The following KHDRBS1 variants were observed in gnomAD, a reference collection of about 807,000 sequenced individuals.
KHDRBS1 encodes KH RNA binding domain containing, signal transduction associated 1, also known as KH domain-containing, RNA-binding, signal transduction-associated protein 1.
A neutral mutation model predicts 48.4 loss-of-function variants in KHDRBS1; 7 were observed. The ratio of observed to expected loss-of-function variants is 0.14; its 90% confidence interval spans 0.08 to 0.27. The LOEUF is 0.27. KHDRBS1 is among the 10% of genes least tolerant of loss of function. The probability of loss-of-function intolerance (pLI) is 1.00; values close to 1 mark genes in which losing one functional copy is unlikely to be tolerated. For synonymous variants in KHDRBS1, 241 were observed against 235.8 expected, an observed-to-expected ratio of 1.02 and a Z score of -0.20; for missense variants, 458 against 601.2, an observed-to-expected ratio of 0.76 and a Z score of 2.49.
chr1:32,059,178 A>C (rs1035034709), intron 10 of KHDRBS1, among the ~76,000 whole-genome samples: 9 of 151,322 alleles, frequency 5.9e-5, no homozygotes, highest in Non-Finnish European at 1.0e-4. Context: ...AAAAAAAAAA[A>C]AAAAAACAAA....
intron 1 of KHDRBS1, among the ~76,000 whole-genome samples, chr1:32,028,106 G>C (rs1446647833): frequency 6.6e-6 from 1 of 152,212 alleles, no homozygotes; most frequent in African/African-American, 2.4e-5. Context: ...GACAGAGCGA[G>C]ACTTTGTCTC....
rs1346993019 is a variant in KHDRBS1, at chr1:32,038,631, A to G, written c.1175+12A>G. 4.3e-6 allele frequency: 7 copies of G among 1,613,530 alleles called. No individual in the cohort carries two copies. In the South Asian group the frequency reaches 6.6e-5, roughly 15 times the overall value. On this transcript the variant is annotated intron_variant, in intron 7 of 8. Coordinates refer to ENST00000327300, the MANE Select transcript of KHDRBS1 (RefSeq NM_006559.3). ...AGCCAGAGTCAAGGGTGAGTCAGGCAGTATAAGCACTGTTTTTTGTCCTGA... is the reference window on the plus strand; with the variant it reads ...AGCCAGAGTCAAGGGTGAGTCAGGCGGTATAAGCACTGTTTTTTGTCCTGA...
chr1:32,032,644 C>T (rs920355303), intron 3 of KHDRBS1, among the ~76,000 whole-genome samples: 2 of 152,058 alleles, frequency 1.3e-5, no homozygotes, highest in African/African-American at 4.8e-5. Flanking sequence ...CTGTAAGCAG[C>T]AGACCATGTG....
chr1:32,026,875 G>A (rs1016075268), intron 1 of KHDRBS1, among the ~76,000 whole-genome samples: 4 of 152,122 alleles, frequency 2.6e-5, no homozygotes, highest in Admixed American at 2.0e-4. Context: ...GCTCACTGCA[G>A]CCTCTGCCTC....
intron 4 of KHDRBS1, among the ~76,000 whole-genome samples, chr1:32,035,283 G>A (rs1639155092): frequency 6.6e-6 from 1 of 152,112 alleles, no homozygotes; most frequent in Non-Finnish European, 1.5e-5. Flanking sequence ...GTGGCAGTTG[G>A]AGGAGTCTGA....
chr1:32,044,003 G>A (rs1470361800), downstream of KHDRBS1: 3 of 152,262 alleles, frequency 2.0e-5, no homozygotes, highest in Non-Finnish European at 4.4e-5. Flanking sequence ...AAAGTGGTGG[G>A]GGGGATTTTA....
intron 10 of KHDRBS1, among the ~76,000 whole-genome samples, chr1:32,051,313 ATGTAT>A (rs1183710034): frequency 6.6e-6 from 1 of 152,204 alleles, no homozygotes; most frequent in Non-Finnish European, 1.5e-5. Flanking sequence ...TTAACCACAG[ATGTAT>A]GTAGGTGTAC....
intron 1 of KHDRBS1, among the ~76,000 whole-genome samples, chr1:32,018,845 C>T (rs1286434833): frequency 2.6e-5 from 4 of 152,038 alleles, no homozygotes; most frequent in Admixed American, 1.3e-4. Context: ...CCAAGGCAGT[C>T]GGATCACTTG....
chr1:32,019,475 G>A (rs577087757), intron 1 of KHDRBS1, among the ~76,000 whole-genome samples: 19 of 152,014 alleles, frequency 1.2e-4, no homozygotes, highest in African/African-American at 3.6e-4. Flanking sequence ...GCTGAAACCC[G>A]GGAGACAGAG....
downstream of KHDRBS1, among the ~76,000 whole-genome samples, chr1:32,045,967 G>T (rs143202408): frequency 2.0e-5 from 3 of 152,250 alleles, no homozygotes; most frequent in African/African-American, 7.2e-5. Context: ...AAAGGCAGTT[G>T]GTGAGTTGTT....
intron 1 of KHDRBS1, among the ~76,000 whole-genome samples, chr1:32,023,018 C>T (rs959720908): frequency 6.6e-6 from 1 of 152,072 alleles, no homozygotes; most frequent in African/African-American, 2.4e-5. Context: ...TGAGTTACAT[C>T]TCTTTTTCGC....
downstream of KHDRBS1, among the ~76,000 whole-genome samples, chr1:32,044,620 AACAC>A (rs1639337356): frequency 6.6e-6 from 1 of 152,182 alleles, no homozygotes; most frequent in Non-Finnish European, 1.5e-5. Flanking sequence ...TTCTTTTTAA[AACAC>A]ACCAACAAAA....
chr1:32,018,002 GGA>G (rs1298912035), intron 1 of KHDRBS1, among the ~76,000 whole-genome samples: 4 of 152,146 alleles, frequency 2.6e-5, no homozygotes, highest in African/African-American at 9.7e-5. Context: ...AAAAGATCTT[GGA>G]GAGATACTCA....
In KHDRBS1 at chr1:32,037,928, G is replaced by A. The variant is rs1318689074; in HGVS notation, c.999G>A (p.Val333=). 1 of 1,614,114 alleles carries A rather than the reference G, an allele frequency of 6.2e-7. No homozygotes were observed. The highest frequency in any genetic ancestry group is 2.2e-5 in the East Asian group (1 of 44,902). The change falls in exon 6 of 9, where the codon GTG becomes GTA. Residue 333 remains valine, a synonymous_variant. Transcript: ENST00000327300. ...GAGGTGCCACTGTGACTCGAGGCGT[G>A]CCACCCCCACCTACTGTGAGGGGTG... ...ITRGATVTRG[V]PPPPTVRGAP...
At chr1:32,058,323 A>C (rs1639505404) in intron 10 of KHDRBS1, among the ~76,000 whole-genome samples, 1 of 151,994 alleles carries the variant, frequency 6.6e-6, no homozygotes, top group African/African-American at 2.4e-5. Context: ...GGCCTCAAGC[A>C]ATCTGGCCTC....
intron 6 of KHDRBS1, 41 bp downstream of exon 6, chr1:32,038,077 A>G: frequency 6.2e-7 from 1 of 1,606,078 alleles, no homozygotes; most frequent in African/African-American, 1.3e-5. Context: ...AGTACCTAGA[A>G]GGCTGCTAAA....
chr1:32,045,135 A>G (rs539916016), downstream of KHDRBS1, among the ~76,000 whole-genome samples: 1 of 152,310 alleles, frequency 6.6e-6, no homozygotes, highest in Non-Finnish European at 1.5e-5. Context: ...CTGCTCAGCT[A>G]TTTAAAACTG....
chr1:32,042,705 ACC>A lies in KHDRBS1; in HGVS notation c.*83_*84del. 1 of 844,878 alleles carries A rather than the reference ACC, an allele frequency of 1.2e-6. No individual in the cohort carries two copies. The highest frequency in any genetic ancestry group is 2.0e-6 in the Non-Finnish European group (1 of 508,398). 52.3% of individuals were successfully genotyped at this position (844,878 alleles called of 1,614,324 possible). A position where few individuals can be genotyped will look rare whatever the true frequency, so the allele number is the denominator to read the frequency against. ...TATCTCCCAGGATTCCTGTTGCTTT[ACC>A]CACAACAGACAAGTAATTGTCTAAG... On this transcript the variant is annotated 3_prime_UTR_variant, in exon 9 of 9. Coordinates refer to ENST00000327300, the MANE Select transcript of KHDRBS1 (RefSeq NM_006559.3).
chr1:32,036,232 C>T (rs912298233), intron 4 of KHDRBS1, among the ~76,000 whole-genome samples: 3 of 133,006 alleles, frequency 2.3e-5, no homozygotes, highest in East Asian at 2.3e-4. Context: ...ACTGCAGTGG[C>T]GCTATCTTGG....
Sources: allele counts gnomAD v4.1 joint callset (sites outside exome capture counted in the v4.1 genomes callset), GRCh38; gene constraint gnomAD v4.1.1; transcripts MANE v1.5; gene names NCBI Gene and HGNC (gene_info 2026-07-23, HGNC 2026-07-21).